The following CTSS variants were observed in gnomAD, a reference collection of about 807,000 sequenced individuals.
CTSS encodes cathepsin S.
A neutral mutation model predicts 39.9 loss-of-function variants in CTSS; 15 were observed. That is an observed-to-expected ratio of 0.38 (90% CI 0.25 to 0.58). CTSS has a LOEUF of 0.58. Among genes scored for constraint, CTSS ranks in the 20% least tolerant of loss-of-function variants. CTSS has a pLI of 0.70. For synonymous variants in CTSS, 126 were observed against 138.2 expected, an observed-to-expected ratio of 0.91 and a Z score of 0.62; for missense variants, 250 against 398.2, an observed-to-expected ratio of 0.63 and a Z score of 3.17.
chr1:150,735,410 A>T (rs1215743720), intron 7 of CTSS, among the ~76,000 whole-genome samples: 1 of 151,870 alleles, frequency 6.6e-6, no homozygotes, highest in Non-Finnish European at 1.5e-5. Flanking sequence ...CTATGTTCTG[A>T]TTTTCTTATC....
chr1:150,745,566 G>A (rs1287286959), intron 7 of CTSS, among the ~76,000 whole-genome samples: 1 of 152,164 alleles, frequency 6.6e-6, no homozygotes, highest in African/African-American at 2.4e-5. Context: ...GGTGGCTGAT[G>A]TGGGAGGATT....
intron 7 of CTSS, among the ~76,000 whole-genome samples, chr1:150,735,755 A>ATT (rs146960325): frequency 1.6e-4 from 20 of 126,528 alleles, no homozygotes; most frequent in East Asian, 4.5e-4. Flanking sequence ...TGCTTGGCCA[A>ATT]TTTTTTTTTT....
At chr1:150,760,137 G>T (rs1284638285) in intron 2 of CTSS, among the ~76,000 whole-genome samples, 1 of 152,244 alleles carries the variant, frequency 6.6e-6, no homozygotes, top group East Asian at 1.9e-4. Flanking sequence ...CAGAGGGATA[G>T]CATTCATTTA....
chr1:150,747,953 C>CT, intron 6 of CTSS, 74 bp from the exon 7 acceptor site: 2 of 988,656 alleles, frequency 2.0e-6, no homozygotes, highest in Non-Finnish European at 3.2e-6. Flanking sequence ...AACGGTATTA[C>CT]TTTTTATTAG....
At position 150,751,797 on chromosome 1, in the gene CTSS, T is replaced by C; in HGVS notation, c.611A>G (p.Tyr204Cys). ...AAGACGCACCATGGCTTTGTAGGGA[T>C]AGGAAGCGTCTGAGTCGATGCCCTT... ...DNKGIDSDAS[Y>C]PYKAMDQKCQ... The change falls in exon 5 of 8, where the codon TAT (tyrosine) becomes TGT (cysteine). Residue 204 changes from tyrosine to cysteine, a missense_variant. Transcript: ENST00000368985. 1 of 1,614,116 alleles carries C rather than the reference T, an allele frequency of 6.2e-7. No homozygotes were observed. Among genetic ancestry groups the C allele is most frequent in the South Asian group, 1.1e-5 (1 of 91,088 alleles).
In CTSS at chr1:150,732,858, C is replaced by T; in HGVS notation, c.*188G>A. ...TCCTGGCCTCAAGTTGATATGCCTG[C>T]CTTGGCCTCCCAAGTACTGGGATTA... is the stretch of plus-strand genomic sequence containing the variant. On this transcript the variant is annotated 3_prime_UTR_variant, in exon 8 of 8. Transcript: ENST00000368985. 1 of 412,172 alleles carries T rather than the reference C, an allele frequency of 2.4e-6. No homozygotes were observed. Among genetic ancestry groups the T allele is most frequent in the Non-Finnish European group, 4.4e-6 (1 of 229,746 alleles). The allele number at this position is 412,172 out of a possible 1,614,324, so 25.5% of individuals were successfully genotyped here. A position where few individuals can be genotyped will look rare whatever the true frequency, so the allele number is the denominator to read the frequency against.
At chr1:150,735,277 G>A (rs964590722) in intron 7 of CTSS, among the ~76,000 whole-genome samples, 2 of 152,148 alleles carry the variant, frequency 1.3e-5, no homozygotes, top group African/African-American at 4.8e-5. Flanking sequence ...TGCTTTAAGA[G>A]GCCTTAAATA....
In CTSS at chr1:150,739,758, T is replaced by A. The variant is rs1652707606; in HGVS notation, c.897-6613A>T. Among the ~76,000 whole-genome samples, 4 of 152,112 alleles carry A rather than the reference T, an allele frequency of 2.6e-5. No individual in the cohort carries two copies. The South Asian group carries it at 8.3e-4, about 32-fold the overall frequency. ...AAACAGCCTTATTGCTGATATGATT[T>A]GAGTGGCCTAGATAAAAGAGCAAAC... On this transcript the variant is annotated intron_variant, in intron 7 of 7. Coordinates refer to ENST00000368985, the MANE Select transcript of CTSS (RefSeq NM_004079.5).
intron 7 of CTSS, among the ~76,000 whole-genome samples, chr1:150,747,329 G>A (rs2101917080): frequency 6.6e-6 from 1 of 152,228 alleles, no homozygotes; most frequent in East Asian, 1.9e-4. Context: ...GTCCAGATAA[G>A]TCTGAAGTTC....
intron 2 of CTSS, among the ~76,000 whole-genome samples, chr1:150,762,827 G>A (rs1184187921): frequency 6.6e-6 from 1 of 152,162 alleles, no homozygotes; most frequent in Non-Finnish European, 1.5e-5. Context: ...TAGTAGGAAT[G>A]TAAATTAGTA....
chr1:150,732,850 T>C lies in CTSS; in HGVS notation c.*196A>G. 2 of 391,580 alleles carry C rather than the reference T, an allele frequency of 5.1e-6. No homozygotes were observed. The highest frequency in any genetic ancestry group is 6.8e-5 in the South Asian group (2 of 29,242). The allele number at this position is 391,580 out of a possible 1,614,324, so 24.3% of individuals were successfully genotyped here. A position where few individuals can be genotyped will look rare whatever the true frequency, so the allele number is the denominator to read the frequency against. On this transcript the variant is annotated 3_prime_UTR_variant, in exon 8 of 8. Coordinates refer to ENST00000368985, the MANE Select transcript of CTSS (RefSeq NM_004079.5). ...TCTTTAACTCCTGGCCTCAAGTTGA[T>C]ATGCCTGCCTTGGCCTCCCAAGTAC...
chr1:150,737,353 C>T (rs777020317), intron 7 of CTSS, among the ~76,000 whole-genome samples: 1 of 152,162 alleles, frequency 6.6e-6, no homozygotes, highest in African/African-American at 2.4e-5. Context: ...CCTCCCACCT[C>T]GGCCTCCCAA....
intron 7 of CTSS, among the ~76,000 whole-genome samples, chr1:150,743,196 C>G (rs1017091192): frequency 1.2e-4 from 18 of 152,008 alleles, no homozygotes; most frequent in African/African-American, 4.1e-4. Flanking sequence ...CAAAATGAAT[C>G]AAGATAGTGA....
intron 5 of CTSS, among the ~76,000 whole-genome samples, chr1:150,751,481 C>T (rs1653005708): frequency 6.6e-6 from 1 of 152,136 alleles, no homozygotes; most frequent in African/African-American, 2.4e-5. Flanking sequence ...CTCCTGACCT[C>T]AGGTGATCCA....
chr1:150,735,557 C>T (rs1652617665), intron 7 of CTSS, among the ~76,000 whole-genome samples: 1 of 152,076 alleles, frequency 6.6e-6, no homozygotes, highest in Non-Finnish European at 1.5e-5. Flanking sequence ...CCATCGTCAC[C>T]TCTAATAAAC....
At chr1:150,760,940 G>A (rs113422136) in intron 2 of CTSS, among the ~76,000 whole-genome samples, 9,642 of 151,474 alleles carry the variant, frequency 0.064, 1,005 homozygotes, top group African/African-American at 0.22. Context: ...CAGCACTCTG[G>A]GAGGCCAAGA....
At position 150,750,103 on chromosome 1, in the gene CTSS, A is replaced by T. The variant is rs1023342133; in HGVS notation, c.696T>A (p.Tyr232Ter). The change falls in exon 6 of 8, where the codon TAT (tyrosine) becomes TAA (stop). Residue 232 changes from tyrosine (Y) to a stop codon, truncating the protein, a stop_gained. Transcript: ENST00000368985. LOFTEE classifies it high-confidence loss of function. ...CTTCTTTCAGGACATCTTCTCTGCC[A>T]TAAGGAAGTTCAGTGTACTTTGAAC... The part of the protein sequence containing the change: ...ATCSKYTELP[Y>*]GREDVLKEAV... 2 of 1,614,056 alleles carry T rather than the reference A, an allele frequency of 1.2e-6. No homozygotes were observed. Among genetic ancestry groups the T allele is most frequent in the Non-Finnish European group, 1.7e-6 (2 of 1,179,922 alleles).
At chr1:150,757,837 G>A (rs1331825033) in intron 3 of CTSS, 21 bp downstream of exon 3, 2 of 1,603,822 alleles carry the variant, frequency 1.2e-6, no homozygotes, top group East Asian at 2.2e-5. Flanking sequence ...GTGAAAGTGG[G>A]ATTTCTTGTA....
At chr1:150,757,825 A>G (rs776886818) in intron 3 of CTSS, 33 bp downstream of exon 3, 10 of 1,602,126 alleles carry the variant, frequency 6.2e-6, no homozygotes, top group Middle Eastern at 1.7e-4. Context: ...ATTTACCCAG[A>G]CGTGAAAGTG....
Sources: allele counts gnomAD v4.1 joint callset (sites outside exome capture counted in the v4.1 genomes callset), GRCh38; gene constraint gnomAD v4.1.1; transcripts MANE v1.5; gene names NCBI Gene and HGNC (gene_info 2026-07-23, HGNC 2026-07-21).